The following ARHGAP26 variants were observed in gnomAD, a reference collection of about 807,000 sequenced individuals.
ARHGAP26 encodes Rho GTPase activating protein 26.
In ARHGAP26, 38 loss-of-function variants were observed where a neutral mutation model predicts 104.8. That is an observed-to-expected ratio of 0.36 (90% confidence interval 0.28 to 0.48). The LOEUF is 0.48. Ranked by LOEUF, ARHGAP26 falls within the 20% of genes least tolerant of loss-of-function variation. The pLI is 0.99. For synonymous variants in ARHGAP26, 341 were observed against 340.0 expected, an observed-to-expected ratio of 1.00 and a Z score of -0.03; for missense variants, 704 against 947.9, an observed-to-expected ratio of 0.74 and a Z score of 3.38.
chr5:142,852,340 A>G (rs1751656155), intron 1 of ARHGAP26, among the ~76,000 whole-genome samples: 1 of 152,232 alleles, frequency 6.6e-6, no homozygotes, highest in Non-Finnish European at 1.5e-5. Flanking sequence ...CTCTGGGGAC[A>G]TGGAATTGGC....
intron 18 of ARHGAP26, among the ~76,000 whole-genome samples, chr5:143,128,786 C>G (rs938620426): frequency 6.6e-6 from 1 of 152,194 alleles, no homozygotes; most frequent in African/African-American, 2.4e-5. Context: ...AGAAAATGCT[C>G]AGTCTCATTT....
At chr5:143,148,018 A>C (rs1799365149) in intron 20 of ARHGAP26, among the ~76,000 whole-genome samples, 1 of 152,228 alleles carries the variant, frequency 6.6e-6, no homozygotes, top group Admixed American at 6.5e-5. Context: ...AGGATCAGAA[A>C]GTTCTCCCTC....
intron 12 of ARHGAP26, among the ~76,000 whole-genome samples, chr5:143,015,633 T>C (rs929104373): frequency 6.6e-6 from 1 of 152,062 alleles, no homozygotes; most frequent in African/African-American, 2.4e-5. Context: ...CCAGAGGGGA[T>C]GGATGCCAAG....
At chr5:142,788,455 A>G (rs540667677) in intron 1 of ARHGAP26, among the ~76,000 whole-genome samples, 1 of 152,202 alleles carries the variant, frequency 6.6e-6, no homozygotes, top group Admixed American at 6.5e-5. Context: ...TGTTGAAAGC[A>G]TGATTTAAAT....
At position 142,977,265 on chromosome 5, in the gene ARHGAP26, A is replaced by G. The variant is rs183277664; in HGVS notation, c.1108-36815A>G. Among the ~76,000 whole-genome samples, 25 of 152,350 alleles carry G rather than the reference A, an allele frequency of 1.6e-4. 1 individual carries two copies. Among genetic ancestry groups the G allele is most frequent in the Non-Finnish European group, 1.5e-4 (10 of 68,026 alleles). On this transcript the variant is annotated intron_variant, in intron 11 of 22. Transcript: ENST00000645722. ...ATTGATGGTGTGGGTAAAGAAAATT[A>G]TATAAAAGTAACACCTCAACCCGCG... is the stretch of plus-strand genomic sequence containing the variant.
At position 142,788,801 on chromosome 5, in the gene ARHGAP26, GC is replaced by G. The variant is rs539552601; in HGVS notation, c.154+17890del. Among the ~76,000 whole-genome samples the G allele has an allele frequency of 2.1e-3, 320 of 152,300 alleles. 1 individual carries two copies. The highest frequency in any genetic ancestry group is 4.2e-3 in the Admixed American group (64 of 15,306). ...ATCTGTTGGGAGTCCTGGAACCAAT[GC>G]CCCACAGATACTAAGGGACAACTGC... On this transcript the variant is annotated intron_variant, in intron 1 of 22. Transcript: ENST00000645722.
chr5:142,982,838 A>G (rs1774141954), intron 11 of ARHGAP26, among the ~76,000 whole-genome samples: 1 of 152,174 alleles, frequency 6.6e-6, no homozygotes. Context: ...TGGGATCTTC[A>G]GTCCAGGTGG....
rs373025137 is a variant in ARHGAP26, at chr5:143,031,809, C to T, written c.1145-5387C>T. Among the ~76,000 whole-genome samples, 5 of 152,206 alleles carry T rather than the reference C, an allele frequency of 3.3e-5. No homozygotes were observed. In the East Asian group the frequency reaches 5.8e-4, roughly 18 times the overall value. ...AGTCTCGGCTTACTGCAGTCTCTGCCTCTTGGGTTCAAGCGATTCAAGCCT... is the reference window on the plus strand; with the variant it reads ...AGTCTCGGCTTACTGCAGTCTCTGCTTCTTGGGTTCAAGCGATTCAAGCCT... On this transcript the variant is annotated intron_variant, in intron 12 of 22. Coordinates refer to ENST00000645722, the MANE Select transcript of ARHGAP26 (RefSeq NM_001135608.3).
At chr5:143,179,973 G>A (rs897188910) in intron 20 of ARHGAP26, among the ~76,000 whole-genome samples, 1 of 152,084 alleles carries the variant, frequency 6.6e-6, no homozygotes, top group African/African-American at 2.4e-5. Flanking sequence ...CAAGAGCCCT[G>A]TTGGTTTAAA....
chr5:143,057,106 A>G (rs1395590642), intron 16 of ARHGAP26, among the ~76,000 whole-genome samples: 1 of 152,228 alleles, frequency 6.6e-6, no homozygotes, highest in Non-Finnish European at 1.5e-5. Flanking sequence ...AAGTTGGCAG[A>G]AAGACTTGAA....
intron 11 of ARHGAP26, among the ~76,000 whole-genome samples, chr5:142,974,626 A>G (rs866940748): frequency 1.3e-5 from 2 of 152,200 alleles, no homozygotes; most frequent in Non-Finnish European, 2.9e-5. Flanking sequence ...TGGATGAGGA[A>G]GCAGAGCCTC....
chr5:142,783,835 GT>G lies in ARHGAP26; in HGVS notation c.154+12922del, dbSNP rs548096737. On this transcript the variant is annotated intron_variant, in intron 1 of 22. Coordinates refer to ENST00000645722, the MANE Select transcript of ARHGAP26 (RefSeq NM_001135608.3). ...ATTTGCTTCTTAAGAAAATCTGTGGGTTGCTCTTCCAAAAATAAGGTTTTCT... is the reference window on the plus strand; with the variant it reads ...ATTTGCTTCTTAAGAAAATCTGTGGGTGCTCTTCCAAAAATAAGGTTTTCT... 1.6e-3 allele frequency among the ~76,000 whole-genome samples: 246 copies of G among 152,358 alleles called. 3 individuals carry two copies. Among genetic ancestry groups the G allele is most frequent in the African/African-American group, 5.7e-3 (239 of 41,580 alleles).
chr5:142,807,875 C>G (rs1314476254), intron 1 of ARHGAP26, among the ~76,000 whole-genome samples: 2 of 152,156 alleles, frequency 1.3e-5, no homozygotes, highest in African/African-American at 4.8e-5. Flanking sequence ...GCTGTGTCAT[C>G]TCTTAGAAAG....
intron 1 of ARHGAP26, among the ~76,000 whole-genome samples, chr5:142,794,809 G>A (rs990120342): frequency 1.3e-5 from 2 of 152,186 alleles, no homozygotes; most frequent in African/African-American, 4.8e-5. Context: ...GCCAATGATT[G>A]ACTGCCCTGT....
chr5:142,857,731 A>G (rs1203864393), intron 1 of ARHGAP26, among the ~76,000 whole-genome samples: 1 of 152,044 alleles, frequency 6.6e-6, no homozygotes, highest in Admixed American at 6.5e-5. Context: ...GTTGCCAGGG[A>G]CTTTCCGGGT....
chr5:143,043,896 T>C (rs1783836593), intron 14 of ARHGAP26, among the ~76,000 whole-genome samples: 3 of 152,174 alleles, frequency 2.0e-5, no homozygotes, highest in African/African-American at 7.2e-5. Flanking sequence ...ATAATTCCAA[T>C]TCATGAAGTA....
chr5:143,122,583 CTG>C (rs1796273552), intron 18 of ARHGAP26, among the ~76,000 whole-genome samples: 1 of 152,200 alleles, frequency 6.6e-6, no homozygotes, highest in Non-Finnish European at 1.5e-5. Context: ...ACACCTCATT[CTG>C]TAAAATAGAA....
intron 17 of ARHGAP26, among the ~76,000 whole-genome samples, chr5:143,095,491 CTA>C (rs1365429520): frequency 6.6e-6 from 1 of 152,176 alleles, no homozygotes; most frequent in African/African-American, 2.4e-5. Context: ...GAAATTAAAA[CTA>C]AAACAATTTT....
chr5:143,116,229 T>A (rs766098747), intron 17 of ARHGAP26, among the ~76,000 whole-genome samples: 26 of 152,348 alleles, frequency 1.7e-4, no homozygotes, highest in Non-Finnish European at 2.5e-4. Context: ...TAGAGCTTTT[T>A]TAAAAAGTCT....
Sources: gnomAD v4.1 joint callset for allele counts (sites outside exome capture counted in the v4.1 genomes callset) on GRCh38, gnomAD v4.1.1 for gene constraint, MANE v1.5 for transcripts, NCBI Gene and HGNC (gene_info 2026-07-23, HGNC 2026-07-21) for gene names.